WDR90: variants seen among roughly 807,000 people sequenced by gnomAD.
The protein encoded by WDR90 is WD repeat-containing protein 90.
WDR90 carries 238 observed loss-of-function variants against 195.2 expected under a neutral mutation model. That is an observed-to-expected ratio of 1.22 (90% confidence interval 1.10 to 1.36). WDR90 has a LOEUF of 1.36. Among genes scored for constraint, WDR90 ranks in the 40% most tolerant of loss-of-function variants. WDR90 has a pLI of 0.00. For synonymous variants in WDR90, 1,265 were observed against 1,052.4 expected (o/e 1.20, Z -3.91); for missense variants, 2,734 against 2,439.5 (o/e 1.12, Z -2.54).
At position 650,263 on chromosome 16, in the gene WDR90, G is replaced by T; in HGVS notation, c.289G>T (p.Val97Phe). 6.2e-7 allele frequency: 1 copy of T among 1,612,916 alleles called. No homozygotes were observed. Among genetic ancestry groups the T allele is most frequent in the Middle Eastern group, 1.7e-4 (1 of 6,060 alleles). ...TGCTCCGTCCCCACAGGACAACCAA[G>T]TCATCCGTGTGTCTTTCTCCAACCT... ...HLDVSSKDNQVIRVSFSNLFK... is the reference protein window; with the variant it reads ...HLDVSSKDNQFIRVSFSNLFK... Residue 97 changes from valine (V) to phenylalanine (F), a missense_variant, in exon 4 of 41, where the codon GTC (valine) becomes TTC (phenylalanine). By Grantham distance (50) the Val-to-Phe change is conservative. Transcript: ENST00000293879.
rs200439148 is a variant in WDR90 at position 661,754 on chromosome 16, C to G, written c.3831C>G (p.Leu1277=). ...GCCAGGGCACTGTCACCTTCTGGCT[C>G]CTTCAGCAGCGTGGGGCAGACATCA... The part of the protein sequence containing the change: ...CVGQGTVTFW[L]LQQRGADISL... The change falls in exon 31 of 41, where the codon CTC becomes CTG. Residue 1277 remains leucine, a synonymous_variant. Transcript: ENST00000293879. The G allele has an allele frequency of 1.2e-5, 19 of 1,608,666 alleles. No homozygotes were observed. In the African/African-American group the frequency reaches 1.6e-4, roughly 14 times the overall value.
chr16:650,780 A>G, intron 5 of WDR90, 71 bp downstream of exon 5: 1 of 1,565,834 alleles, frequency 6.4e-7, no homozygotes, highest in Non-Finnish European at 8.7e-7. Context: ...GCCCAAGTCC[A>G]GGGTGCTTGG....
chr16:659,800 G>A (rs1035936257), intron 26 of WDR90, among the ~76,000 whole-genome samples: 12 of 152,194 alleles, frequency 7.9e-5, no homozygotes, highest in Non-Finnish European at 1.3e-4. Flanking sequence ...GGCCAACCCC[G>A]TGAGCAGTGG....
At position 652,036 on chromosome 16, in the gene WDR90, C is replaced by T. The variant is rs1212662154; in HGVS notation, c.1050C>T (p.Cys350=). The T allele has an allele frequency of 2.5e-6, 4 of 1,591,216 alleles. No individual in the cohort carries two copies. The highest frequency in any genetic ancestry group is 1.7e-5 in the Admixed American group (1 of 57,836). Residue 350 remains cysteine (C), a synonymous_variant, in exon 9 of 41, where the codon TGC becomes TGT. Coordinates refer to ENST00000293879, the MANE Select transcript of WDR90 (RefSeq NM_145294.5). Reference sequence around the variant, plus strand: ...TGCCCGTGGCCCGCACCGGCTCCTGCGAAGTGAGTGCCCATCCCACAGCAG... The same window carrying T: ...TGCCCGTGGCCCGCACCGGCTCCTGTGAAGTGAGTGCCCATCCCACAGCAG... ...AEVPVARTGS[C]EGFLPDPVLR... is the part of the protein sequence containing the mutation.
At position 651,336 on chromosome 16, in the gene WDR90, C is replaced by T. The variant is rs1412416260; in HGVS notation, c.736+70C>T. On this transcript the variant is annotated intron_variant, in intron 7 of 40. Transcript: ENST00000293879. ...GTGCGTGGGGCTCGGTAGGAGAGGG[C>T]AGGGCTGGGAAAGGACCCAGTGGTG... 1.2e-5 allele frequency: 19 copies of T among 1,547,954 alleles called. 1 individual carries two copies. The Admixed American group carries it at 3.3e-4, about 27-fold the overall frequency.
chr16:652,576 C>G (rs897937300), intron 10 of WDR90, 41 bp downstream of exon 10: 1 of 1,562,916 alleles, frequency 6.4e-7, no homozygotes, highest in South Asian at 1.2e-5. Flanking sequence ...CTCTCGTTGG[C>G]CGGCTCGAGC....
chr16:652,314 C>T, intron 9 of WDR90, 153 bp from the exon 10 acceptor site: 1 of 951,942 alleles, frequency 1.1e-6, no homozygotes, highest in Non-Finnish European at 1.5e-6. Flanking sequence ...GTCCCAGCTT[C>T]CACCTTACCA....
At chr16:660,759 GC>G (rs1294958523) in intron 28 of WDR90, 45 bp downstream of exon 28, 4 of 1,521,284 alleles carry the variant, frequency 2.6e-6, no homozygotes, top group Non-Finnish European at 3.6e-6. Flanking sequence ...AGATGCGGCC[GC>G]GCGTGGTCCA....
chr16:650,167 G>A lies in WDR90; in HGVS notation c.279G>A (p.Lys93=), dbSNP rs2037613361. The change falls in exon 3 of 41, where the codon AAG becomes AAA. Residue 93 remains lysine (K), a splice_region_variant and synonymous_variant. Transcript: ENST00000293879. ...TCATCCACCTCGATGTGTCCTCCAA[G>A]GTACGGAGCCCGCGGCTGGGGGCTG... ...HFVIHLDVSS[K]DNQVIRVSFS... 2 of 1,612,286 alleles carry A rather than the reference G, an allele frequency of 1.2e-6. No individual in the cohort carries two copies. Among genetic ancestry groups the A allele is most frequent in the Non-Finnish European group, 1.7e-6 (2 of 1,179,512 alleles).
rs749258865 is a variant in WDR90, at chr16:662,757, C to A, written c.4224C>A (p.Gly1408=). ...SASFDDSVDM[G]VVGTTAGTLW... Reference sequence around the variant, plus strand: ...GCTTCGATGACAGCGTGGACATGGGCGTCGTGGGCACCACGGCGGGCACGC... The same window carrying A: ...GCTTCGATGACAGCGTGGACATGGGAGTCGTGGGCACCACGGCGGGCACGC... The change falls in exon 34 of 41, where the codon GGC becomes GGA. Residue 1408 remains glycine, a synonymous_variant. Coordinates refer to ENST00000293879, the MANE Select transcript of WDR90 (RefSeq NM_145294.5). The A allele has an allele frequency of 6.2e-7, 1 of 1,606,276 alleles. No homozygotes were observed.
chr16:652,627 G>T, intron 10 of WDR90, 92 bp downstream of exon 10: 1 of 1,322,980 alleles, frequency 7.6e-7, no homozygotes, highest in East Asian at 2.7e-5. Flanking sequence ...CCTATGTCCT[G>T]TGGTGGCTGT....
upstream of WDR90, chr16:649,303 G>A: frequency 8.0e-7 from 1 of 1,244,534 alleles, no homozygotes; most frequent in Non-Finnish European, 1.0e-6. Context: ...CGCCATGACG[G>A]CGGAAGTAAT....
chr16:655,856 C>A lies in WDR90; in HGVS notation c.1933C>A (p.Pro645Thr). 1.3e-6 allele frequency: 2 copies of A among 1,598,870 alleles called. No homozygotes were observed. The highest frequency in any genetic ancestry group is 8.5e-7 in the Non-Finnish European group (1 of 1,175,216). ...TGAGGACGGCTTCTTGCGGCTCTGGCCCCTGGACTTCTCCTCGGTGCTCCT... is the reference window on the plus strand; with the variant it reads ...TGAGGACGGCTTCTTGCGGCTCTGGACCCTGGACTTCTCCTCGGTGCTCCT... ...GSEDGFLRLW[P>T]LDFSSVLLEA... Residue 645 changes from proline (P) to threonine (T), a missense_variant, in exon 17 of 41, where the codon CCC becomes ACC. By Grantham distance (38) the Pro-to-Thr change is conservative. Coordinates refer to ENST00000293879, the MANE Select transcript of WDR90 (RefSeq NM_145294.5).
rs1378014387 is a variant in WDR90, at chr16:665,748, G to A, written c.4381G>A (p.Val1461Met). ...ATCSEDGSVR[V>M]WALASMELVI... ...ATGCAGTGAGGATGGGAGTGTGCGG[G>A]TGTGGGCCTTGGCCAGCATGGAGCT... Residue 1461 changes from valine to methionine, a missense_variant, in exon 35 of 41, where the codon GTG becomes ATG. Val to Met is a conservative substitution (Grantham distance 21). Transcript: ENST00000293879. The A allele has an allele frequency of 1.2e-6, 2 of 1,609,372 alleles. No homozygotes were observed. Among genetic ancestry groups the A allele is most frequent in the Non-Finnish European group, 8.5e-7 (1 of 1,177,516 alleles).
chr16:650,178 C>T lies in WDR90; in HGVS notation c.279+11C>T, dbSNP rs527560122. ...GATGTGTCCTCCAAGGTACGGAGCC[C>T]GCGGCTGGGGGCTGCGTGGGAGCCC... On this transcript the variant is annotated intron_variant, in intron 3 of 40. Coordinates refer to ENST00000293879, the MANE Select transcript of WDR90 (RefSeq NM_145294.5). The T allele has an allele frequency of 7.4e-6, 12 of 1,611,402 alleles. No homozygotes were observed. The highest frequency in any genetic ancestry group is 4.4e-5 in the South Asian group (4 of 91,058).
chr16:657,696 TCGGGCCCTGGCCACG>T, intron 20 of WDR90, 51 bp from the exon 21 acceptor site: 1 of 1,462,158 alleles, frequency 6.8e-7, no homozygotes, highest in Non-Finnish European at 9.0e-7. Flanking sequence ...GGCGGCCTCC[TCGGGCCCTGGCCACG>T]CGCACCCCGG....
chr16:661,979 C>G lies in WDR90; in HGVS notation c.3953C>G (p.Thr1318Ser). Residue 1318 changes from threonine (T) to serine (S), a missense_variant, in exon 32 of 41, where the codon ACC becomes AGC. Physicochemically the swap from Thr to Ser is moderately conservative, Grantham distance 58 (BLOSUM62 1). Transcript: ENST00000293879. ...GCACCTCCCCTGCTCTATTGTGGCA[C>G]CAGCTCTGGCCAGGTCTGTGTCTGG... Reference protein sequence around the residue: ...YGAPPLLYCGTSSGQVCVWDT... With the variant: ...YGAPPLLYCGSSSGQVCVWDT... 1 of 1,605,770 alleles carries G rather than the reference C, an allele frequency of 6.2e-7. No individual in the cohort carries two copies. The highest frequency in any genetic ancestry group is 1.3e-5 in the African/African-American group (1 of 75,046).
chr16:655,400 G>GC lies in WDR90; in HGVS notation c.1651dup (p.Leu551ProfsTer36). On this transcript the variant is annotated frameshift_variant, in exon 15 of 41. Coordinates refer to ENST00000293879, the MANE Select transcript of WDR90 (RefSeq NM_145294.5). LOFTEE classifies it high-confidence loss of function. ...CCGTGGACTTAGGGGAGCACCACGC[G>GC]CTGCAGTTCACCGACCTGGCCTTCA... 2 of 1,594,226 alleles carry GC rather than the reference G, an allele frequency of 1.3e-6. No homozygotes were observed. The highest frequency in any genetic ancestry group is 1.7e-6 in the Non-Finnish European group (2 of 1,175,590).
chr16:659,299 G>C lies in WDR90; in HGVS notation c.3107G>C (p.Arg1036Pro), dbSNP rs749697025. The C allele has an allele frequency of 6.2e-7, 1 of 1,602,336 alleles. No individual in the cohort carries two copies. The highest frequency in any genetic ancestry group is 8.5e-7 in the Non-Finnish European group (1 of 1,175,446). Residue 1036 changes from arginine (R) to proline (P), a missense_variant, in exon 26 of 41, where the codon CGG becomes CCG. By Grantham distance (103) the Arg-to-Pro change is moderately radical (BLOSUM62 -2). Transcript: ENST00000293879. Reference sequence around the variant, plus strand: ...GCGTCCAGGGCCAGCGAGCTCCCCCGGCAGCAGGTCCCCAAGCCATGTCAG... The same window carrying C: ...GCGTCCAGGGCCAGCGAGCTCCCCCCGCAGCAGGTCCCCAAGCCATGTCAG... ...DAASRASELP[R>P]QQVPKPCQAS...
Sources: gnomAD v4.1 joint callset for allele counts (sites outside exome capture counted in the v4.1 genomes callset) on GRCh38, gnomAD v4.1.1 for gene constraint, MANE v1.5 for transcripts, NCBI Gene and HGNC (gene_info 2026-07-23, HGNC 2026-07-21) for gene names.